INPP5A: variants seen among roughly 807,000 people sequenced by gnomAD.
The protein encoded by INPP5A is 43 kDa inositol polyphosphate 5-phophatase.
Under a neutral mutation model 65.2 loss-of-function variants are expected in INPP5A, and 14 were observed. That is an observed-to-expected ratio of 0.21 (90% confidence interval 0.14 to 0.34). The LOEUF (loss-of-function observed/expected upper bound fraction) is 0.34, where lower values mean the gene tolerates loss of function less well. Among genes scored for constraint, INPP5A ranks in the 10% least tolerant of loss-of-function variants. The pLI is 1.00. For missense variants in INPP5A, 431 were observed against 545.6 expected, an observed-to-expected ratio of 0.79 and a Z score of 2.09; for synonymous variants, 207 against 208.3, an observed-to-expected ratio of 0.99 and a Z score of 0.05.
chr10:132,597,546 T>C (rs1460054538), intron 1 of INPP5A, among the ~76,000 whole-genome samples: 3 of 152,264 alleles, frequency 2.0e-5, no homozygotes, highest in East Asian at 1.9e-4. Flanking sequence ...TTACACATCT[T>C]CAGGAATGCA....
At chr10:132,647,688 C>T (rs1328838649) in intron 3 of INPP5A, among the ~76,000 whole-genome samples, 2 of 152,134 alleles carry the variant, frequency 1.3e-5, no homozygotes, top group Non-Finnish European at 2.9e-5. Flanking sequence ...CACCCAGACC[C>T]TCGCGGCTGC....
At chr10:132,666,674 G>A (rs938868798) in intron 4 of INPP5A, among the ~76,000 whole-genome samples, 4 of 152,296 alleles carry the variant, frequency 2.6e-5, no homozygotes, top group African/African-American at 7.2e-5. Flanking sequence ...TCTTTCAAAC[G>A]GAAATTGTTA....
intron 1 of INPP5A, among the ~76,000 whole-genome samples, chr10:132,600,772 A>T (rs957880178): frequency 6.6e-6 from 1 of 152,236 alleles, no homozygotes; most frequent in South Asian, 2.1e-4. Context: ...CACTTCTTAC[A>T]TGGCAGTGGC....
chr10:132,725,591 CACTGGGCCCT>C (rs984078041), intron 8 of INPP5A, among the ~76,000 whole-genome samples: 3 of 152,270 alleles, frequency 2.0e-5, no homozygotes, highest in Admixed American at 6.5e-5. Context: ...GGCCTCATCC[CACTGGGCCCT>C]ACCGTGCCCC....
rs765164143 is a variant in INPP5A, at chr10:132,690,445, T to G, written c.360T>G (p.Phe120Leu). The change falls in exon 5 of 16, where the codon TTT becomes TTG. Residue 120 changes from phenylalanine to leucine, a missense_variant. Transcript: ENST00000368594. ...LHESLKNIYQ[F>L]DFKAKKYRKV... is the part of the protein sequence containing the mutation. ...AGTCCTTAAAAAACATCTACCAGTT[T>G]GACTTTAAAGGTAAGACTGCGTGCC... The G allele has an allele frequency of 6.2e-7, 1 of 1,612,500 alleles. No homozygotes were observed. Among genetic ancestry groups the G allele is most frequent in the East Asian group, 2.2e-5 (1 of 44,872 alleles).
chr10:132,593,903 G>A (rs896605989), intron 1 of INPP5A, among the ~76,000 whole-genome samples: 2 of 152,180 alleles, frequency 1.3e-5, no homozygotes, highest in Non-Finnish European at 2.9e-5. Flanking sequence ...AGTTTGCCAG[G>A]AACTATAAAG....
intron 4 of INPP5A, among the ~76,000 whole-genome samples, chr10:132,670,736 G>A (rs2072879129): frequency 6.6e-6 from 1 of 151,890 alleles, no homozygotes; most frequent in Non-Finnish European, 1.5e-5. Context: ...TCACCCCTGT[G>A]AGCAAACAGG....
intron 1 of INPP5A, among the ~76,000 whole-genome samples, chr10:132,544,826 G>T (rs1311607363): frequency 1.3e-5 from 2 of 152,150 alleles, no homozygotes; most frequent in Admixed American, 1.3e-4. Context: ...ACGGCCGGCG[G>T]TGTTCTCTCT....
chr10:132,724,298 C>T (rs1388805934), intron 8 of INPP5A, among the ~76,000 whole-genome samples: 1 of 152,214 alleles, frequency 6.6e-6, no homozygotes, highest in South Asian at 2.1e-4. Flanking sequence ...AATTGACCGT[C>T]CGCTTGGGAA....
intron 8 of INPP5A, among the ~76,000 whole-genome samples, chr10:132,716,028 A>C (rs1845733605): frequency 6.6e-6 from 1 of 152,178 alleles, no homozygotes; most frequent in Non-Finnish European, 1.5e-5. Flanking sequence ...GCCCGGCAGG[A>C]GGGGCTCCTT....
chr10:132,567,730 C>T (rs1323138699), intron 1 of INPP5A, among the ~76,000 whole-genome samples: 1 of 152,210 alleles, frequency 6.6e-6, no homozygotes, highest in Non-Finnish European at 1.5e-5. Context: ...CCAACGATTC[C>T]AGCTTTTTAT....
At chr10:132,614,818 T>C (rs1436963191) in intron 2 of INPP5A, among the ~76,000 whole-genome samples, 2 of 152,256 alleles carry the variant, frequency 1.3e-5, no homozygotes, top group East Asian at 3.9e-4. Context: ...AGAAGAGGCC[T>C]GAGTGCTGCC....
At chr10:132,738,091 C>T (rs114044190) in intron 9 of INPP5A, among the ~76,000 whole-genome samples, 1,576 of 152,332 alleles carry the variant, frequency 0.01, 30 homozygotes, top group African/African-American at 0.035. Flanking sequence ...TGGACTCACT[C>T]CTAAATGATT....
intron 2 of INPP5A, among the ~76,000 whole-genome samples, chr10:132,613,299 G>C (rs1165382885): frequency 6.6e-6 from 1 of 151,634 alleles, no homozygotes; most frequent in South Asian, 2.1e-4. Flanking sequence ...CCTCCTTCCC[G>C]AGTCCCCCCG....
At chr10:132,700,954 C>G (rs1845427045) in intron 6 of INPP5A, among the ~76,000 whole-genome samples, 1 of 152,164 alleles carries the variant, frequency 6.6e-6, no homozygotes, top group South Asian at 2.1e-4. Context: ...TGTAGTCGAT[C>G]AGGGTGAGTC....
At chr10:132,623,114 A>T (rs954069292) in intron 2 of INPP5A, among the ~76,000 whole-genome samples, 2 of 150,620 alleles carry the variant, frequency 1.3e-5, no homozygotes, top group African/African-American at 4.9e-5. Context: ...TCTCAGCAGG[A>T]TTTTTTTTTT....
At chr10:132,640,993 G>A (rs1443540370) in intron 2 of INPP5A, among the ~76,000 whole-genome samples, 5 of 152,214 alleles carry the variant, frequency 3.3e-5, no homozygotes, top group African/African-American at 4.8e-5. Context: ...AGCTTTCATC[G>A]GGAGGCATGT....
chr10:132,712,885 GGTGTGCATGTGCCTGTAGGT>G (rs1845671125), intron 8 of INPP5A, among the ~76,000 whole-genome samples: 1 of 142,948 alleles, frequency 7.0e-6, no homozygotes, highest in Admixed American at 7.0e-5. Flanking sequence ...GGCCTGTGTG[GGTGTGCATGTGCCTGTAGGT>G]GTGTGCATGT....
At chr10:132,689,814 C>T (rs1408528515) in intron 4 of INPP5A, among the ~76,000 whole-genome samples, 1 of 152,244 alleles carries the variant, frequency 6.6e-6, no homozygotes, top group African/African-American at 2.4e-5. Flanking sequence ...GAGCAGGGAT[C>T]CCTGTGCTCT....
Sources: allele counts gnomAD v4.1 joint callset (sites outside exome capture counted in the v4.1 genomes callset), GRCh38; gene constraint gnomAD v4.1.1; transcripts MANE v1.5; gene names NCBI Gene and HGNC (gene_info 2026-07-23, HGNC 2026-07-21).